RASSF3: variants seen among roughly 807,000 people sequenced by gnomAD.
RASSF3 encodes Ras association domain family member 3, also known as ras association domain-containing protein 3.
RASSF3 carries 19 observed loss-of-function variants against 19.9 expected under a neutral mutation model. That is an observed-to-expected ratio of 0.96 (90% CI 0.67 to 1.40). The LOEUF (loss-of-function observed/expected upper bound fraction) is 1.40, where lower values mean the gene tolerates loss of function less well. Ranked by LOEUF, RASSF3 falls within the 40% of genes most tolerant of loss-of-function variation. The probability of loss-of-function intolerance (pLI) is 0.00; values close to 1 mark genes in which losing one functional copy is unlikely to be tolerated. For synonymous variants in RASSF3, 110 were observed against 104.2 expected (o/e 1.06, Z -0.34); for missense variants, 306 against 289.8 (o/e 1.06, Z -0.41).
At chr12:64,667,532 C>T (rs1236626166) in intron 1 of RASSF3, among the ~76,000 whole-genome samples, 4 of 152,272 alleles carry the variant, frequency 2.6e-5, no homozygotes, top group East Asian at 3.9e-4. Flanking sequence ...GAAAGATGGT[C>T]GTAGCTCCTA....
At chr12:64,612,023 T>C (rs957842558) in intron 1 of RASSF3, among the ~76,000 whole-genome samples, 1 of 152,142 alleles carries the variant, frequency 6.6e-6, no homozygotes, top group Non-Finnish European at 1.5e-5. Flanking sequence ...TTCTAAGGCT[T>C]AAGGCCCCAC....
chr12:64,670,932 G>T (rs17100545), intron 1 of RASSF3, among the ~76,000 whole-genome samples: 1 of 151,946 alleles, frequency 6.6e-6, no homozygotes, highest in Non-Finnish European at 1.5e-5. Context: ...TGTGTCCTCC[G>T]GCAAAATAAA....
rs921287058 is a variant in RASSF3, at chr12:64,594,672, A to G, written c.294+52967A>G. Among the ~76,000 whole-genome samples the G allele has an allele frequency of 1.3e-5, 2 of 152,294 alleles. 1 individual carries two copies. Among genetic ancestry groups the G allele is most frequent in the South Asian group, 4.1e-4 (2 of 4,826 alleles). ...TAGCGATTATTTTGCGCTGAAGGCA[A>G]TAGAGAAACAGCAGACTCAGGGAAA... On this transcript the variant is annotated intron_variant, in intron 2 of 5. Coordinates refer to the RASSF3 transcript ENST00000637125.
chr12:64,651,390 A>G (rs2136190904), intron 1 of RASSF3, among the ~76,000 whole-genome samples: 1 of 152,218 alleles, frequency 6.6e-6, no homozygotes, highest in East Asian at 1.9e-4. Context: ...ATGAAGTCTC[A>G]CTCTGTTGCC....
chr12:64,629,689 G>T (rs1435674222), intron 1 of RASSF3, among the ~76,000 whole-genome samples: 2 of 151,996 alleles, frequency 1.3e-5, no homozygotes, highest in African/African-American at 4.8e-5. Flanking sequence ...TGTGGACCAG[G>T]CGCGGTGGCT....
upstream of RASSF3, among the ~76,000 whole-genome samples, chr12:64,609,176 C>A (rs1361843108): frequency 6.6e-6 from 1 of 152,094 alleles, no homozygotes; most frequent in African/African-American, 2.4e-5. Context: ...CACAAAAGAG[C>A]ACGGCTGACC....
upstream of RASSF3, among the ~76,000 whole-genome samples, chr12:64,608,946 GTTGTA>G (rs1161258734): frequency 1.8e-4 from 27 of 152,294 alleles, no homozygotes; most frequent in Non-Finnish European, 3.4e-4. Context: ...AGACTTTAAT[GTTGTA>G]GGACCTTTAA....
intron 2 of RASSF3, among the ~76,000 whole-genome samples, chr12:64,601,773 A>G (rs989390737): frequency 6.6e-5 from 10 of 152,222 alleles, no homozygotes; most frequent in Non-Finnish European, 1.3e-4. Flanking sequence ...TGATCAGGCC[A>G]TTGCACTCCA....
chr12:64,649,755 A>G (rs1160358370), intron 1 of RASSF3, among the ~76,000 whole-genome samples: 1 of 152,072 alleles, frequency 6.6e-6, no homozygotes, highest in East Asian at 1.9e-4. Flanking sequence ...TGGGCAAGCC[A>G]TTTGTGGGCA....
chr12:64,667,923 G>A (rs1872578035), intron 1 of RASSF3, among the ~76,000 whole-genome samples: 1 of 152,194 alleles, frequency 6.6e-6, no homozygotes, highest in South Asian at 2.1e-4. Flanking sequence ...AGGTAAGAAA[G>A]TAACACCTGG....
intron 1 of RASSF3, among the ~76,000 whole-genome samples, chr12:64,676,491 T>C (rs1872908390): frequency 1.2e-5 from 1 of 81,386 alleles, no homozygotes; most frequent in Admixed American, 1.3e-4. Flanking sequence ...TTTTTTTTTT[T>C]GATGGAATCT....
At chr12:64,577,956 T>A (rs1183230227) in intron 2 of RASSF3, among the ~76,000 whole-genome samples, 1 of 151,654 alleles carries the variant, frequency 6.6e-6, no homozygotes, top group Non-Finnish European at 1.5e-5. Flanking sequence ...TGATGGCTCA[T>A]GCCTGTAATC....
intron 4 of RASSF3, among the ~76,000 whole-genome samples, chr12:64,692,914 A>G (rs981809523): frequency 2.6e-5 from 4 of 152,082 alleles, no homozygotes; most frequent in African/African-American, 4.8e-5. Context: ...ATTGGGTTTT[A>G]TTGTTCCAGA....
chr12:64,614,133 CTT>C (rs578071131), intron 1 of RASSF3, among the ~76,000 whole-genome samples: 18 of 130,006 alleles, frequency 1.4e-4, no homozygotes, highest in Admixed American at 3.1e-4. Flanking sequence ...TTTACCATTT[CTT>C]TTTTTTTTTT....
Position 64,696,338 on chromosome 12 carries a change from A to G in RASSF3, c.*1426A>G, listed in dbSNP as rs1253062696. 4 of 152,142 alleles carry G rather than the reference A, an allele frequency of 2.6e-5. No individual in the cohort carries two copies. Among genetic ancestry groups the G allele is most frequent in the Admixed American group, 1.3e-4 (2 of 15,276 alleles). 9.4% of individuals were successfully genotyped at this position (152,142 alleles called of 1,614,324 possible). On this transcript the variant is annotated 3_prime_UTR_variant, in exon 5 of 5. Transcript: ENST00000542104. ...TTCATTATGGAAATATTTTAACAAAAGTACATGTTATTACCAACCAAAGAG... is the reference window on the plus strand; with the variant it reads ...TTCATTATGGAAATATTTTAACAAAGGTACATGTTATTACCAACCAAAGAG...
At chr12:64,529,046 T>A (rs1868650885), upstream of RASSF3, among the ~76,000 whole-genome samples, 1 of 152,220 alleles carries the variant, frequency 6.6e-6, no homozygotes, top group Non-Finnish European at 1.5e-5. Flanking sequence ...CAGAGGTAGC[T>A]TTTATTTTTA....
At chr12:64,650,374 T>C (rs1020674168) in intron 1 of RASSF3, among the ~76,000 whole-genome samples, 4 of 151,820 alleles carry the variant, frequency 2.6e-5, no homozygotes, top group Non-Finnish European at 5.9e-5. Context: ...TCAGTGATAG[T>C]TGTCCTCAGC....
chr12:64,672,883 G>A (rs1044779903), intron 1 of RASSF3, among the ~76,000 whole-genome samples: 4 of 152,166 alleles, frequency 2.6e-5, no homozygotes, highest in Admixed American at 1.3e-4. Flanking sequence ...TCATCTGGCA[G>A]AGTGGCTACT....
chr12:64,562,081 C>G (rs955806330), intron 2 of RASSF3, among the ~76,000 whole-genome samples: 11 of 151,510 alleles, frequency 7.3e-5, no homozygotes, highest in Admixed American at 2.0e-4. Context: ...GCAGTGGTTG[C>G]CCAGGCTGGA....
Sources: gnomAD v4.1 joint callset for allele counts (sites outside exome capture counted in the v4.1 genomes callset) on GRCh38, gnomAD v4.1.1 for gene constraint, MANE v1.5 for transcripts, NCBI Gene and HGNC (gene_info 2026-07-23, HGNC 2026-07-21) for gene names.